The following NMI variants were observed in gnomAD, a reference collection of about 807,000 sequenced individuals.
NMI encodes the protein N-myc and STAT interactor.
In NMI, 39 loss-of-function variants were observed where a neutral mutation model predicts 34.3. That is an observed-to-expected ratio of 1.14 (90% CI 0.88 to 1.49). The LOEUF is 1.49. Ranked by LOEUF, NMI falls within the 40% of genes most tolerant of loss-of-function variation. The pLI, the probability that NMI is intolerant of heterozygous loss-of-function variation, is 0.00. For synonymous variants in NMI, 113 were observed against 120.3 expected, an observed-to-expected ratio of 0.94 and a Z score of 0.40; for missense variants, 339 against 358.1, an observed-to-expected ratio of 0.95 and a Z score of 0.43.
intron 1 of NMI, among the ~76,000 whole-genome samples, chr2:151,286,150 A>G (rs1169088408): frequency 6.6e-6 from 1 of 152,258 alleles, no homozygotes; most frequent in Non-Finnish European, 1.5e-5. Flanking sequence ...TGAGATAATC[A>G]AAGTAAATAA....
intron 1 of NMI, among the ~76,000 whole-genome samples, chr2:151,287,241 C>T (rs560265692): frequency 2.0e-5 from 3 of 151,722 alleles, no homozygotes; most frequent in Admixed American, 2.0e-4. Flanking sequence ...TGCAACTTTT[C>T]TGTAAGTTTG....
intron 1 of NMI, among the ~76,000 whole-genome samples, chr2:151,288,357 GAAC>G (rs1384115252): frequency 6.6e-6 from 1 of 152,204 alleles, no homozygotes; most frequent in Non-Finnish European, 1.5e-5. Context: ...GACCCCGGAA[GAAC>G]TTTCAGAGGC....
At chr2:151,289,129 T>TC (rs1326864308) in intron 1 of NMI, 1 of 151,124 alleles carries the variant, frequency 6.6e-6, no homozygotes, top group African/African-American at 2.4e-5. Context: ...GCGCCTGTAG[T>TC]CCCAGCTACT....
At chr2:151,270,900 G>A in intron 7 of NMI, 25 bp from the exon 8 acceptor site, 1 of 1,556,760 alleles carries the variant, frequency 6.4e-7, no homozygotes, top group Non-Finnish European at 8.8e-7. Flanking sequence ...ATGATAAATA[G>A]AAAGATTTCT....
intron 6 of NMI, among the ~76,000 whole-genome samples, chr2:151,275,058 T>C (rs374441602): frequency 6.6e-6 from 1 of 151,728 alleles, no homozygotes; most frequent in Non-Finnish European, 1.5e-5. Context: ...CTCAGCTCAC[T>C]GCAACCTCCA....
rs71403153 is a variant in NMI, at chr2:151,285,356, GAGATAGATAGATAGATAGATAGAT to G, written c.-6-2426_-6-2403del. 7.5e-3 allele frequency among the ~76,000 whole-genome samples: 1,101 copies of G among 147,610 alleles called. 23 individuals are homozygous for G. In the East Asian group the frequency reaches 0.084, roughly 11 times the overall value. On this transcript the variant is annotated intron_variant, in intron 1 of 7. Coordinates refer to ENST00000243346, the MANE Select transcript of NMI (RefSeq NM_004688.3). ...CAGCTGTGGTTTCTGATTGATGATT[GAGATAGATAGATAGATAGATAGAT>G]AGATAGATAGATAGATAGATAGATA...
Position 151,275,515 on chromosome 2 carries a change from C to G in NMI, c.603G>C (p.Gly201=). 1 of 1,614,074 alleles carries G rather than the reference C, an allele frequency of 6.2e-7. No homozygotes were observed. The highest frequency in any genetic ancestry group is 1.1e-5 in the South Asian group (1 of 91,082). Residue 201 remains glycine (G), a synonymous_variant, in exon 6 of 8, where the codon GGG becomes GGC. Coordinates refer to ENST00000243346, the MANE Select transcript of NMI (RefSeq NM_004688.3). ...VDRVDYDRQS[G]SAVITFVEIG... is the part of the protein sequence containing the mutation. ...TCTCCACAAACGTGATGACTGCACT[C>G]CCGGACTGTCTGTCATAGTCCACGC...
intron 7 of NMI, 106 bp downstream of exon 7, chr2:151,271,520 C>A: frequency 1.4e-6 from 1 of 709,290 alleles, no homozygotes; most frequent in East Asian, 2.7e-5. Context: ...ATTTTGCTAT[C>A]CCTCATTGAT....
intron 6 of NMI, among the ~76,000 whole-genome samples, chr2:151,275,094 TGCCTCA>T: frequency 6.6e-6 from 1 of 152,022 alleles, no homozygotes; most frequent in Non-Finnish European, 1.5e-5. Context: ...TGATTCTCCC[TGCCTCA>T]GCCTCCCAAG....
At chr2:151,270,955 A>G (rs550313665) in intron 7 of NMI, 80 bp from the exon 8 acceptor site, 4 of 1,077,016 alleles carry the variant, frequency 3.7e-6, no homozygotes, top group South Asian at 1.5e-5. Context: ...TCTCTGCTTA[A>G]TATTTTTTAT....
intron 6 of NMI, among the ~76,000 whole-genome samples, chr2:151,273,601 C>A (rs1356843234): frequency 6.6e-6 from 1 of 152,228 alleles, no homozygotes; most frequent in Non-Finnish European, 1.5e-5. Flanking sequence ...CAGCTCCCTG[C>A]AACCTCCACC....
At chr2:151,284,412 C>A (rs1683458876) in intron 1 of NMI, among the ~76,000 whole-genome samples, 1 of 152,128 alleles carries the variant, frequency 6.6e-6, no homozygotes, top group South Asian at 2.1e-4. Flanking sequence ...GATCCTCCCA[C>A]CTCAGCCCCC....
intron 1 of NMI, chr2:151,288,880 A>C (rs1683560930): frequency 6.6e-6 from 1 of 152,148 alleles, no homozygotes; most frequent in South Asian, 2.1e-4. Flanking sequence ...ACTGCACAAC[A>C]CTGCCCCTAC....
chr2:151,275,584 C>T lies in NMI; in HGVS notation c.534G>A (p.Glu178=), dbSNP rs200080368. 8.1e-6 allele frequency: 13 copies of T among 1,614,064 alleles called. No individual in the cohort carries two copies. Among genetic ancestry groups the T allele is most frequent in the Non-Finnish European group, 1.0e-5 (12 of 1,180,030 alleles). ...LREDQMRDKL[E]LSFSKSRNGG... The stretch of plus-strand genomic sequence containing the variant: ...CATTTCGGGACTTTGAAAAGCTCAG[C>T]TCTAGTTTGTCTCTCATTTGATCTT... Residue 178 remains glutamate, a synonymous_variant, in exon 6 of 8, where the codon GAG becomes GAA. Coordinates refer to ENST00000243346, the MANE Select transcript of NMI (RefSeq NM_004688.3).
chr2:151,270,628 C>A lies in NMI; in HGVS notation c.*65G>T. 1 of 1,292,610 alleles carries A rather than the reference C, an allele frequency of 7.7e-7. No individual in the cohort carries two copies. Among genetic ancestry groups the A allele is most frequent in the Non-Finnish European group, 1.1e-6 (1 of 932,240 alleles). The allele number at this position is 1,292,610 out of a possible 1,614,324, so 80.1% of individuals were successfully genotyped here. A position where few individuals can be genotyped will look rare whatever the true frequency, so the allele number is the denominator to read the frequency against. On this transcript the variant is annotated 3_prime_UTR_variant, in exon 8 of 8. Transcript: ENST00000243346. ...TTCATTTTTTAAGGAAAAGCATATT[C>A]ATTTTTGTCAAACATTTACAGTAAT...
chr2:151,272,966 C>T (rs1444984165), intron 6 of NMI, among the ~76,000 whole-genome samples: 3 of 149,378 alleles, frequency 2.0e-5, no homozygotes, highest in Non-Finnish European at 3.0e-5. Flanking sequence ...TAAATGGGTA[C>T]AGAGTTTCAG....
chr2:151,289,030 T>A (rs968980514), intron 1 of NMI: 1 of 151,774 alleles, frequency 6.6e-6, no homozygotes, highest in Non-Finnish European at 1.5e-5. Context: ...GATCACGAGG[T>A]CAGGAGATCG....
At chr2:151,285,416 C>G (rs1683477647) in intron 1 of NMI, among the ~76,000 whole-genome samples, 1 of 151,630 alleles carries the variant, frequency 6.6e-6, no homozygotes, top group African/African-American at 2.4e-5. Context: ...AATAGACAGA[C>G]AGATAGAAAT....
intron 2 of NMI, 95 bp from the exon 3 acceptor site, chr2:151,282,138 A>G: frequency 3.2e-6 from 2 of 634,616 alleles, no homozygotes; most frequent in South Asian, 2.0e-5. Context: ...CATCCTGACC[A>G]AAGAAAGACA....
Sources: allele counts gnomAD v4.1 joint callset (sites outside exome capture counted in the v4.1 genomes callset), GRCh38; gene constraint gnomAD v4.1.1; transcripts MANE v1.5; gene names NCBI Gene and HGNC (gene_info 2026-07-23, HGNC 2026-07-21).